EMID1: variants seen among roughly 807,000 people sequenced by gnomAD.
The protein encoded by EMID1 is EMI domain containing 1, also known as EMI domain-containing protein 1.
Under a neutral mutation model 60.6 loss-of-function variants are expected in EMID1, and 40 were observed. That is an observed-to-expected ratio of 0.66 (90% CI 0.51 to 0.86). EMID1 has a LOEUF of 0.86. Among genes scored for constraint, EMID1 ranks in the 40% least tolerant of loss-of-function variants. The pLI is 0.00. For missense variants in EMID1, 585 were observed against 597.1 expected (o/e 0.98, Z 0.21); for synonymous variants, 242 against 231.0 (o/e 1.05, Z -0.43).
chr22:29,212,074 C>T (rs2039907466), intron 1 of EMID1, among the ~76,000 whole-genome samples: 2 of 152,142 alleles, frequency 1.3e-5, no homozygotes, highest in South Asian at 4.1e-4. Flanking sequence ...CAACCTCTGC[C>T]TCCCGGGTTC....
chr22:29,206,343 A>G (rs758324442), intron 1 of EMID1, among the ~76,000 whole-genome samples: 3 of 151,244 alleles, frequency 2.0e-5, no homozygotes, highest in Non-Finnish European at 4.4e-5. Flanking sequence ...TGCCTCCCCT[A>G]CTCCCTCCCT....
At chr22:29,211,462 C>T (rs530994468) in intron 1 of EMID1, among the ~76,000 whole-genome samples, 44 of 152,168 alleles carry the variant, frequency 2.9e-4, no homozygotes, top group African/African-American at 9.6e-4. Context: ...GTGCTCACTG[C>T]AGTGCGTATT....
At position 29,250,914 on chromosome 22, in the gene EMID1, CT is replaced by C. The variant is rs539629541; in HGVS notation, c.1120-3282del. Among the ~76,000 whole-genome samples the C allele has an allele frequency of 7.0e-5, 10 of 143,444 alleles. No individual in the cohort carries two copies. The South Asian group carries it at 2.2e-3, about 32-fold the overall frequency. The allele number at this position is 143,444 out of a possible 152,430, so 94.1% of individuals were successfully genotyped here. On this transcript the variant is annotated intron_variant, in intron 13 of 14. Coordinates refer to ENST00000334018, the MANE Select transcript of EMID1 (RefSeq NM_133455.4). ...TCAGCCTGGAATTTTTTAAGATCAT[CT>C]TTTTTTATTTTTTATTTTTTGAGAT...
intron 12 of EMID1, 65 bp downstream of exon 12, chr22:29,234,414 GA>G: frequency 6.4e-7 from 1 of 1,567,344 alleles, no homozygotes; most frequent in Non-Finnish European, 8.7e-7. Flanking sequence ...TTCCTCCTGT[GA>G]CTCCATCCCC....
At chr22:29,254,353 C>A in intron 14 of EMID1, 66 bp downstream of exon 14, 2 of 1,494,006 alleles carry the variant, frequency 1.3e-6, no homozygotes, top group Non-Finnish European at 1.9e-6. Flanking sequence ...CCAAGCCCTC[C>A]TGGGGTGGAA....
chr22:29,228,071 G>C (rs1364536148), intron 5 of EMID1, among the ~76,000 whole-genome samples: 1 of 150,844 alleles, frequency 6.6e-6, no homozygotes, highest in Non-Finnish European at 1.5e-5. Flanking sequence ...CAGGAGAATC[G>C]CTTGAACCCG....
In EMID1 at chr22:29,259,157, TC is replaced by T. The variant is rs2058074401; in HGVS notation, c.*216del. ...GAGAGGAGAGGCTTGGGCCTCAGTT[TC>T]CCTCTGTGAAGTGGGGGGAGGCAGG... On this transcript the variant is annotated 3_prime_UTR_variant, in exon 15 of 15. Coordinates refer to ENST00000334018, the MANE Select transcript of EMID1 (RefSeq NM_133455.4). The T allele has an allele frequency of 1.4e-6, 1 of 716,874 alleles. No individual in the cohort carries two copies. The highest frequency in any genetic ancestry group is 1.8e-5 in the African/African-American group (1 of 54,110). The allele number at this position is 716,874 out of a possible 1,614,324, so 44.4% of individuals were successfully genotyped here. A position where few individuals can be genotyped will look rare whatever the true frequency, so the allele number is the denominator to read the frequency against.
intron 1 of EMID1, among the ~76,000 whole-genome samples, chr22:29,207,646 A>G (rs756298500): frequency 1.3e-5 from 2 of 152,194 alleles, no homozygotes; most frequent in African/African-American, 2.4e-5. Flanking sequence ...ATAACCAGGT[A>G]TCTGGTGGTC....
intron 13 of EMID1, among the ~76,000 whole-genome samples, chr22:29,249,547 A>G (rs2041445674): frequency 6.6e-6 from 1 of 151,642 alleles, no homozygotes; most frequent in Non-Finnish European, 1.5e-5. Context: ...TGCTGGGATT[A>G]CAGGCGTGAG....
intron 3 of EMID1, among the ~76,000 whole-genome samples, chr22:29,221,129 C>T (rs1207279819): frequency 7.4e-6 from 1 of 134,402 alleles, no homozygotes; most frequent in Non-Finnish European, 1.6e-5. Flanking sequence ...GTGTGTAGGG[C>T]ACGTGAGGGC....
At chr22:29,258,687 A>C in intron 14 of EMID1, 130 bp from the exon 15 acceptor site, 1 of 1,392,222 alleles carries the variant, frequency 7.2e-7, no homozygotes, top group Non-Finnish European at 9.6e-7. Context: ...ACAGCTCTGC[A>C]GCCAGATACC....
chr22:29,233,412 C>CTTG lies in EMID1; in HGVS notation c.857_858insTTG (p.Thr286_Asn287insCys). The CTTG allele has an allele frequency of 6.2e-7, 1 of 1,614,154 alleles. No homozygotes were observed. The highest frequency in any genetic ancestry group is 1.7e-5 in the Admixed American group (1 of 60,028). ...TTGCTGTCCAACACCTTCACTGAGA[C>CTTG]CAACAACCACTGGCCCCAGGGACCC... On this transcript the variant is annotated inframe_insertion, in exon 9 of 15. Transcript: ENST00000334018.
rs764864765 is a variant in EMID1, at chr22:29,258,849, G to C, written c.1237G>C (p.Gly413Arg). Residue 413 changes from glycine (G) to arginine (R), a missense_variant, in exon 15 of 15, where the codon GGC becomes CGC. By Grantham distance (125) the Gly-to-Arg change is moderately radical. Coordinates refer to ENST00000334018, the MANE Select transcript of EMID1 (RefSeq NM_133455.4). ...PELGSGAGPA[G>R]TGTPSLLRGK... ...GCTGGGGTCTGGGGCGGGCCCTGCC[G>C]GCACAGGCACCCCCAGCCTCCTTCG... The C allele has an allele frequency of 2.1e-5, 34 of 1,612,934 alleles. No individual in the cohort carries two copies. The highest frequency in any genetic ancestry group is 2.6e-5 in the Non-Finnish European group (31 of 1,179,758).
chr22:29,228,654 C>A (rs1038677944), intron 5 of EMID1, among the ~76,000 whole-genome samples: 2 of 152,172 alleles, frequency 1.3e-5, no homozygotes, highest in African/African-American at 4.8e-5. Flanking sequence ...TGCAATCTGC[C>A]GTGAGTTGGA....
intron 13 of EMID1, among the ~76,000 whole-genome samples, chr22:29,244,101 C>G (rs1024590590): frequency 4.6e-5 from 7 of 152,202 alleles, no homozygotes; most frequent in Non-Finnish European, 8.8e-5. Context: ...GACCTAGACT[C>G]CTCTATACTT....
chr22:29,210,614 C>T (rs910393237), intron 1 of EMID1, among the ~76,000 whole-genome samples: 3 of 152,106 alleles, frequency 2.0e-5, no homozygotes, highest in Non-Finnish European at 4.4e-5. Flanking sequence ...CTCATTACAG[C>T]CTCAAACTCC....
intron 1 of EMID1, among the ~76,000 whole-genome samples, chr22:29,210,986 A>C (rs977113491): frequency 6.6e-6 from 1 of 152,072 alleles, no homozygotes; most frequent in Non-Finnish European, 1.5e-5. Context: ...ATGTGCCTGC[A>C]TGTGCATGGA....
At chr22:29,238,775 C>T (rs2041055394) in intron 12 of EMID1, among the ~76,000 whole-genome samples, 1 of 135,728 alleles carries the variant, frequency 7.4e-6, no homozygotes, top group African/African-American at 3.1e-5. Flanking sequence ...GTTGCCCAGG[C>T]TGGTCTTTCT....
chr22:29,228,861 G>T (rs1212913400), intron 5 of EMID1, among the ~76,000 whole-genome samples: 1 of 152,150 alleles, frequency 6.6e-6, no homozygotes, highest in Non-Finnish European at 1.5e-5. Flanking sequence ...CTCCAGGAGT[G>T]TTGGGATTAC....
Sources: allele counts gnomAD v4.1 joint callset (sites outside exome capture counted in the v4.1 genomes callset), GRCh38; gene constraint gnomAD v4.1.1; transcripts MANE v1.5; gene names NCBI Gene and HGNC (gene_info 2026-07-23, HGNC 2026-07-21).